The following RAI14 variants were observed in gnomAD, a reference collection of about 807,000 sequenced individuals.
RAI14 encodes the protein ankycorbin.
RAI14 carries 45 observed loss-of-function variants against 115.4 expected under a neutral mutation model. The observed-to-expected ratio is 0.39, with a 90% CI of 0.31 to 0.50. RAI14 has a LOEUF of 0.50. Among genes scored for constraint, RAI14 ranks in the 20% least tolerant of loss-of-function variants. RAI14 has a pLI of 0.85. For missense variants in RAI14, 939 were observed against 1,131.2 expected (o/e 0.83, Z 2.44); for synonymous variants, 371 against 415.4 (o/e 0.89, Z 1.30).
At chr5:34,766,974 A>T (rs533367841) in intron 3 of RAI14, among the ~76,000 whole-genome samples, 144 of 152,070 alleles carry the variant, frequency 9.5e-4, no homozygotes, top group African/African-American at 3.2e-3. Context: ...CCACTTTTGC[A>T]TCTTCGTCAT....
Position 34,797,292 on chromosome 5 carries a change from C to G in RAI14, c.256+1265C>G, listed in dbSNP as rs1414853828. Among the ~76,000 whole-genome samples the G allele has an allele frequency of 2.6e-5, 4 of 152,068 alleles. No homozygotes were observed. The East Asian group carries it at 7.7e-4, about 29-fold the overall frequency. ...CATCCCCAAAATTGGCCTCTTCAGA[C>G]TAGTCATCTTGAGGGATCAGCCAGG... On this transcript the variant is annotated intron_variant, in intron 4 of 17. Coordinates refer to ENST00000265109, the MANE Select transcript of RAI14 (RefSeq NM_015577.3).
chr5:34,831,133 C>T lies in RAI14; in HGVS notation c.*368C>T, dbSNP rs1757991069. 1 of 202,222 alleles carries T rather than the reference C, an allele frequency of 4.9e-6. No individual in the cohort carries two copies. The highest frequency in any genetic ancestry group is 1.0e-4 in the South Asian group (1 of 9,668). The allele number at this position is 202,222 out of a possible 1,614,324, so 12.5% of individuals were successfully genotyped here. A position where few individuals can be genotyped will look rare whatever the true frequency, so the allele number is the denominator to read the frequency against. The stretch of plus-strand genomic sequence containing the variant: ...AGGCCTCCTGCAGTGAATGCTCCTT[C>T]CATTCCTGTACTCGGGCAGTGCCAT... On this transcript the variant is annotated 3_prime_UTR_variant, in exon 18 of 18. Coordinates refer to ENST00000265109, the MANE Select transcript of RAI14 (RefSeq NM_015577.3).
chr5:34,766,676 T>A (rs1394802280), intron 3 of RAI14, among the ~76,000 whole-genome samples: 1 of 152,206 alleles, frequency 6.6e-6, no homozygotes, highest in Non-Finnish European at 1.5e-5. Flanking sequence ...TTTGGGTTAA[T>A]GCTGAAATGA....
At chr5:34,775,607 G>A (rs1047451187) in intron 3 of RAI14, among the ~76,000 whole-genome samples, 5 of 152,080 alleles carry the variant, frequency 3.3e-5, no homozygotes, top group African/African-American at 4.8e-5. Flanking sequence ...GATCTGAACC[G>A]ACACTTCCCA....
intron 2 of RAI14, among the ~76,000 whole-genome samples, chr5:34,747,599 G>A (rs180770987): frequency 3.0e-4 from 46 of 152,278 alleles, no homozygotes; most frequent in African/African-American, 1.0e-3. Flanking sequence ...AATTGGATGG[G>A]ATAATTTTTC....
chr5:34,721,033 A>C (rs1313906263), intron 2 of RAI14, among the ~76,000 whole-genome samples: 1 of 151,752 alleles, frequency 6.6e-6, no homozygotes, highest in Non-Finnish European at 1.5e-5. Flanking sequence ...ATGACAGCCC[A>C]CAGAGAGGGG....
chr5:34,828,838 C>G (rs1185281439), intron 16 of RAI14, among the ~76,000 whole-genome samples: 1 of 152,110 alleles, frequency 6.6e-6, no homozygotes. Flanking sequence ...TCTTAGTACA[C>G]TGATAGCTAA....
chr5:34,715,521 T>C lies in RAI14; in HGVS notation c.36+28566T>C, dbSNP rs567526056. Among the ~76,000 whole-genome samples the C allele has an allele frequency of 2.0e-5, 3 of 152,326 alleles. No individual in the cohort carries two copies. In the South Asian group the frequency reaches 6.2e-4, roughly 32 times the overall value. On this transcript the variant is annotated intron_variant, in intron 2 of 17. Transcript: ENST00000265109. ...TCTGTTCTCCTGAACCACTCTGTAT[T>C]ATTCCTGTCTCGCTTTGACTTGGTG...
rs1479527666 is a variant in RAI14, at chr5:34,824,060, CT to C, written c.2219del (p.Leu740ArgfsTer12). 1 of 1,614,052 alleles carries C rather than the reference CT, an allele frequency of 6.2e-7. No homozygotes were observed. Among genetic ancestry groups the C allele is most frequent in the Non-Finnish European group, 8.5e-7 (1 of 1,180,012 alleles). On this transcript the variant is annotated frameshift_variant, in exon 15 of 18. Transcript: ENST00000265109. LOFTEE classifies it high-confidence loss of function. ...ITEHLQVITTLRTAAKEMEEK... is the reference protein window; with the variant it reads ...ITEHLQVITTXRTAAKEMEEK... ...AGAACATTTGCAAGTGATAACCACG[CT>C]GCGGACTGCAGCAAAAGAGATGGAA... is the stretch of plus-strand genomic sequence containing the variant.
At chr5:34,727,319 T>C (rs535740642) in intron 2 of RAI14, among the ~76,000 whole-genome samples, 1 of 152,312 alleles carries the variant, frequency 6.6e-6, no homozygotes, top group Non-Finnish European at 1.5e-5. Context: ...CGGCAAAGCA[T>C]TCAAGAGAAA....
intron 1 of RAI14, among the ~76,000 whole-genome samples, chr5:34,659,935 T>G (rs374518177): frequency 2.0e-5 from 3 of 150,914 alleles, no homozygotes; most frequent in Non-Finnish European, 4.4e-5. Context: ...CCCAGCACTT[T>G]GGGAGGCCAA....
chr5:34,732,863 C>T (rs1213029467), intron 2 of RAI14, among the ~76,000 whole-genome samples: 3 of 150,026 alleles, frequency 2.0e-5, no homozygotes, highest in Non-Finnish European at 4.4e-5. Flanking sequence ...AGGATTTTTC[C>T]CCAGTACACC....
At position 34,811,053 on chromosome 5, in the gene RAI14, C is replaced by A. The variant is rs778335142; in HGVS notation, c.492C>A (p.His164Gln). The A allele has an allele frequency of 1.9e-6, 3 of 1,613,976 alleles. No homozygotes were observed. In the African/African-American group the frequency reaches 4.0e-5, roughly 22 times the overall value. Residue 164 changes from histidine (H) to glutamine (Q), a missense_variant, in exon 8 of 18, where the codon CAC becomes CAA. Transcript: ENST00000265109. ...IPLLLAVQNG[H>Q]SEICHFLLDH... ...TGCTTCTTGCTGTACAAAATGGTCACAGTGAGATCTGTCACTTTCTCCTGG... is the reference window on the plus strand; with the variant it reads ...TGCTTCTTGCTGTACAAAATGGTCAAAGTGAGATCTGTCACTTTCTCCTGG...
chr5:34,785,053 T>C (rs1752133032), intron 3 of RAI14, among the ~76,000 whole-genome samples: 1 of 152,212 alleles, frequency 6.6e-6, no homozygotes, highest in Admixed American at 6.5e-5. Flanking sequence ...ATTTACCTTA[T>C]TGTTTCTTAA....
chr5:34,746,838 A>C (rs187140775), intron 2 of RAI14, among the ~76,000 whole-genome samples: 1 of 152,168 alleles, frequency 6.6e-6, no homozygotes, highest in African/African-American at 2.4e-5. Flanking sequence ...GAATTCTCAC[A>C]TGTTGTTGGA....
intron 2 of RAI14, among the ~76,000 whole-genome samples, chr5:34,729,046 G>A (rs1743840939): frequency 1.3e-5 from 2 of 152,158 alleles, no homozygotes; most frequent in Admixed American, 6.6e-5. Context: ...TAAAATAAAG[G>A]TGAGGCAGAT....
chr5:34,808,559 G>C (rs2150249492), intron 6 of RAI14, 25 bp from the exon 7 acceptor site: 3 of 1,608,714 alleles, frequency 1.9e-6, no homozygotes, highest in Non-Finnish European at 2.6e-6. Context: ...GATTGGCTGT[G>C]GTATTTATAT....
In RAI14 at chr5:34,827,495, C is replaced by G. The variant is rs113578351; in HGVS notation, c.2799+1016C>G. Among the ~76,000 whole-genome samples the G allele has an allele frequency of 4.4e-3, 669 of 152,294 alleles. 1 individual carries two copies. The highest frequency in any genetic ancestry group is 0.031 in the Middle Eastern group (9 of 294). ...AGGGTTAGTCTGTCCTGGACTGTCT[C>G]TAGCTTCCATATACAAACAGAACAT... On this transcript the variant is annotated intron_variant, in intron 16 of 17. Coordinates refer to ENST00000265109, the MANE Select transcript of RAI14 (RefSeq NM_015577.3). The surrounding 1 kb of genome is among the most constrained non-coding windows in gnomAD (Gnocchi z 4.2).
At chr5:34,752,518 G>A (rs1019767656) in intron 2 of RAI14, among the ~76,000 whole-genome samples, 4 of 151,902 alleles carry the variant, frequency 2.6e-5, no homozygotes, top group African/African-American at 9.7e-5. Flanking sequence ...CCCCAGGGAC[G>A]CAATGGAGTA....
Sources: allele counts gnomAD v4.1 joint callset (sites outside exome capture counted in the v4.1 genomes callset), GRCh38; gene constraint gnomAD v4.1.1; non-coding constraint Gnocchi (gnomAD v3.1); transcripts MANE v1.5; gene names NCBI Gene and HGNC (gene_info 2026-07-23, HGNC 2026-07-21).